CSMD1: variants seen among roughly 807,000 people sequenced by gnomAD.
The protein encoded by CSMD1 is CUB and sushi domain-containing protein 1.
CSMD1 carries 213 observed loss-of-function variants against 417.5 expected under a neutral mutation model. The ratio of observed to expected loss-of-function variants is 0.51; its 90% CI spans 0.46 to 0.57. CSMD1 has a LOEUF of 0.57. Among genes scored for constraint, CSMD1 ranks in the 20% least tolerant of loss-of-function variants. CSMD1 has a pLI of 0.00. For synonymous variants in CSMD1, 2,862 were observed against 1,736.8 expected (o/e 1.65, Z -16.11); for missense variants, 6,923 against 4,529.7 (o/e 1.53, Z -15.17).
intron 3 of CSMD1, among the ~76,000 whole-genome samples, chr8:4,332,951 A>T (rs1175608020): frequency 6.6e-6 from 1 of 151,910 alleles, no homozygotes; most frequent in East Asian, 1.9e-4. Flanking sequence ...ATCTAAAAAA[A>T]AAAAAACTAA....
chr8:4,341,528 AC>A (rs761016113), intron 3 of CSMD1, among the ~76,000 whole-genome samples: 2 of 152,066 alleles, frequency 1.3e-5, no homozygotes, highest in Non-Finnish European at 2.9e-5. Context: ...TAGGAAGCAA[AC>A]CCATGGAAAC....
chr8:3,335,428 A>G (rs1171487022), intron 23 of CSMD1, among the ~76,000 whole-genome samples: 1 of 152,168 alleles, frequency 6.6e-6, no homozygotes, highest in Non-Finnish European at 1.5e-5. Context: ...CTGTAATCCC[A>G]TCACTTTGGG....
At chr8:3,775,611 A>T (rs1170410165) in intron 5 of CSMD1, among the ~76,000 whole-genome samples, 2 of 152,132 alleles carry the variant, frequency 1.3e-5, no homozygotes, top group Admixed American at 6.5e-5. Flanking sequence ...AAAGTTCGTA[A>T]ATTGTTGGGA....
chr8:3,477,389 G>A (rs1289665390), intron 11 of CSMD1, among the ~76,000 whole-genome samples: 4 of 152,172 alleles, frequency 2.6e-5, no homozygotes, highest in South Asian at 2.1e-4. Context: ...TAATGTCCAC[G>A]AATGGCATAA....
chr8:3,429,723 G>A (rs561500210), intron 12 of CSMD1, among the ~76,000 whole-genome samples: 1 of 152,128 alleles, frequency 6.6e-6, no homozygotes, highest in African/African-American at 2.4e-5. Context: ...TAAATTGTTA[G>A]GTTTTTCAGC....
chr8:3,981,244 T>C (rs1315640668), intron 5 of CSMD1, among the ~76,000 whole-genome samples: 3 of 152,178 alleles, frequency 2.0e-5, no homozygotes, highest in East Asian at 1.9e-4. Flanking sequence ...AACTCAGGCG[T>C]TGAAAACCAA....
At chr8:2,946,327 T>A (rs1563169989) in intron 68 of CSMD1, among the ~76,000 whole-genome samples, 1 of 152,160 alleles carries the variant, frequency 6.6e-6, no homozygotes, top group Non-Finnish European at 1.5e-5. Flanking sequence ...ACCACCGTAG[T>A]CTCACTTAGA....
chr8:4,314,239 T>C (rs572229158), intron 3 of CSMD1, among the ~76,000 whole-genome samples: 1 of 152,024 alleles, frequency 6.6e-6, no homozygotes, highest in South Asian at 2.1e-4. Context: ...CACAACACAA[T>C]GCCACATGGA....
At position 4,303,371 on chromosome 8, in the gene CSMD1, AATTT is replaced by A. The variant is rs897242152; in HGVS notation, c.415+116578_415+116581del. Among the ~76,000 whole-genome samples the A allele has an allele frequency of 1.3e-3, 199 of 151,420 alleles. 1 individual carries two copies. The highest frequency in any genetic ancestry group is 4.5e-3 in the African/African-American group (186 of 41,268). On this transcript the variant is annotated intron_variant, in intron 3 of 69. Transcript: ENST00000635120. Reference sequence around the variant, plus strand: ...TCTTCCATCACCAAAATCTTCAAATAATTTATTAATTTTTTATTCATTGTCTCAT... The same window carrying A: ...TCTTCCATCACCAAAATCTTCAAATAATTAATTTTTTATTCATTGTCTCAT...
At position 3,190,153 on chromosome 8, in the gene CSMD1, C is replaced by G. The variant is rs559365890; in HGVS notation, c.5195-38G>C. The G allele has an allele frequency of 8.6e-6, 13 of 1,511,960 alleles. No individual in the cohort carries two copies. In the African/African-American group the frequency reaches 1.8e-4, roughly 21 times the overall value. 93.7% of individuals were successfully genotyped at this position (1,511,960 alleles called of 1,614,324 possible). ...TACAGAACACAGCCGTCTGTATCTC[C>G]ATCAGCAAGCCAGGACGTTGCGTGG... is the stretch of plus-strand genomic sequence containing the variant. On this transcript the variant is annotated intron_variant, in intron 33 of 69. Coordinates refer to ENST00000635120, the MANE Select transcript of CSMD1 (RefSeq NM_033225.6).
intron 10 of CSMD1, among the ~76,000 whole-genome samples, chr8:3,557,180 A>G (rs148003112): frequency 2.0e-5 from 3 of 152,352 alleles, no homozygotes; most frequent in African/African-American, 7.2e-5. Flanking sequence ...CACTTCTATG[A>G]AAATAATGTT....
At chr8:4,593,258 G>A (rs1296188867) in intron 2 of CSMD1, among the ~76,000 whole-genome samples, 4 of 152,188 alleles carry the variant, frequency 2.6e-5, no homozygotes, top group Non-Finnish European at 5.9e-5. Context: ...GCAGGAACAT[G>A]AGCGTTAATA....
intron 4 of CSMD1, among the ~76,000 whole-genome samples, chr8:4,027,944 A>G (rs1435011888): frequency 1.3e-5 from 2 of 152,200 alleles, no homozygotes; most frequent in African/African-American, 4.8e-5. Context: ...GAAATAAGGA[A>G]GAAGAAAGAA....
chr8:3,784,342 G>C (rs1018435959), intron 5 of CSMD1, among the ~76,000 whole-genome samples: 1 of 152,096 alleles, frequency 6.6e-6, no homozygotes, highest in Non-Finnish European at 1.5e-5. Context: ...ATTAAAAGTT[G>C]TTCTATTGAA....
intron 1 of CSMD1, among the ~76,000 whole-genome samples, chr8:4,662,692 G>T (rs999410876): frequency 1.3e-5 from 2 of 152,100 alleles, no homozygotes; most frequent in African/African-American, 2.4e-5. Flanking sequence ...AGGAGCATTT[G>T]TACACTGCAC....
intron 6 of CSMD1, 33 bp downstream of exon 6, chr8:3,753,894 GTTT>G: frequency 9.8e-6 from 11 of 1,120,464 alleles, no homozygotes; most frequent in Non-Finnish European, 1.3e-5. Flanking sequence ...ATTACGCTCT[GTTT>G]TTTTTTTTTC....
At chr8:3,835,083 G>A (rs939692857) in intron 5 of CSMD1, among the ~76,000 whole-genome samples, 1 of 150,410 alleles carries the variant, frequency 6.6e-6, no homozygotes, top group Non-Finnish European at 1.5e-5. Flanking sequence ...TGCTGGAGAG[G>A]ATGTAGAGAA....
intron 2 of CSMD1, among the ~76,000 whole-genome samples, chr8:4,463,246 C>T (rs1799949551): frequency 6.6e-6 from 1 of 152,134 alleles, no homozygotes. Context: ...GATACCAGTT[C>T]ATGTCCACTA....
chr8:4,500,788 A>C lies in CSMD1; in HGVS notation c.303-80723T>G, dbSNP rs575745294. ...TTTGGCAATTTTAAACAGGTTTCTA[A>C]AAAGGAGGCATGTTGACTTACGGAA... On this transcript the variant is annotated intron_variant, in intron 2 of 69. Coordinates refer to ENST00000635120, the MANE Select transcript of CSMD1 (RefSeq NM_033225.6). 1.2e-4 allele frequency among the ~76,000 whole-genome samples: 19 copies of C among 152,244 alleles called. No individual in the cohort carries two copies. In the South Asian group the frequency reaches 3.9e-3, roughly 32 times the overall value.
Sources: gnomAD v4.1 joint callset for allele counts (sites outside exome capture counted in the v4.1 genomes callset) on GRCh38, gnomAD v4.1.1 for gene constraint, MANE v1.5 for transcripts, NCBI Gene and HGNC (gene_info 2026-07-23, HGNC 2026-07-21) for gene names.